Variants in ZNF385D observed in about 807,000 individuals in gnomAD.
The protein encoded by ZNF385D is zinc finger protein 659.
In ZNF385D, 15 loss-of-function variants were observed where a neutral mutation model predicts 35.8. The observed-to-expected ratio is 0.42, with a 90% CI of 0.28 to 0.64. The LOEUF (loss-of-function observed/expected upper bound fraction) is 0.64. ZNF385D is among the 30% of genes least tolerant of loss of function. The probability of loss-of-function intolerance (pLI) is 0.23; values close to 1 mark genes in which losing one functional copy is unlikely to be tolerated. For missense variants in ZNF385D, 474 were observed against 494.6 expected (o/e 0.96, Z 0.39); for synonymous variants, 212 against 186.8 (o/e 1.13, Z -1.10).
At chr3:21,897,660 C>T (rs1699203651) in intron 3 of ZNF385D, among the ~76,000 whole-genome samples, 1 of 151,950 alleles carries the variant, frequency 6.6e-6, no homozygotes, top group African/African-American at 2.4e-5. Context: ...AGCTATGAAC[C>T]ATCTGGTGGA....
chr3:21,437,948 G>T (rs1343740682), intron 4 of ZNF385D, among the ~76,000 whole-genome samples: 1 of 152,026 alleles, frequency 6.6e-6, no homozygotes, highest in Non-Finnish European at 1.5e-5. Flanking sequence ...CAAGGAATTC[G>T]CAGGATGGCC....
intron 3 of ZNF385D, among the ~76,000 whole-genome samples, chr3:22,074,579 T>C (rs1251381954): frequency 6.6e-6 from 1 of 151,992 alleles, no homozygotes; most frequent in East Asian, 1.9e-4. Flanking sequence ...AACCTCATAT[T>C]GATACTGCCT....
chr3:21,974,410 T>C (rs974282616), intron 3 of ZNF385D, among the ~76,000 whole-genome samples: 2 of 151,934 alleles, frequency 1.3e-5, no homozygotes, highest in African/African-American at 4.8e-5. Context: ...TCTCACCAAA[T>C]ACAAAAATCA....
At position 22,283,180 on chromosome 3, in the gene ZNF385D, A is replaced by G. The variant is rs565582949; in HGVS notation, c.106+89270T>C. On this transcript the variant is annotated intron_variant, in intron 2 of 5. Transcript: ENST00000494108. Reference sequence around the variant, plus strand: ...ACATAACACTTGAGCTCCCAAATCTACAACAATTACTACTAGACCTAAGAA... The same window carrying G: ...ACATAACACTTGAGCTCCCAAATCTGCAACAATTACTACTAGACCTAAGAA... Among the ~76,000 whole-genome samples, 5 of 152,236 alleles carry G rather than the reference A, an allele frequency of 3.3e-5. No homozygotes were observed. In the South Asian group the frequency reaches 8.3e-4, roughly 25 times the overall value.
At chr3:22,217,587 C>T (rs1459912272) in intron 2 of ZNF385D, among the ~76,000 whole-genome samples, 1 of 152,066 alleles carries the variant, frequency 6.6e-6, no homozygotes. Flanking sequence ...ATAATTGAAT[C>T]TGTAACAGAG....
chr3:21,731,687 A>T (rs2069002443), intron 1 of ZNF385D, among the ~76,000 whole-genome samples: 1 of 152,186 alleles, frequency 6.6e-6, no homozygotes, highest in South Asian at 2.1e-4. Flanking sequence ...ACCCCTGGCA[A>T]TCCCACTAAT....
At chr3:21,841,685 CAAGTAT>C (rs1287265547) in intron 3 of ZNF385D, among the ~76,000 whole-genome samples, 4 of 152,000 alleles carry the variant, frequency 2.6e-5, no homozygotes, top group Admixed American at 6.6e-5. Flanking sequence ...TTATTAAACA[CAAGTAT>C]AAGTATGCAT....
At chr3:22,077,328 C>G (rs1388083487) in intron 3 of ZNF385D, among the ~76,000 whole-genome samples, 1 of 151,728 alleles carries the variant, frequency 6.6e-6, no homozygotes, top group Admixed American at 6.6e-5. Context: ...TTACCACTGT[C>G]AAAAGAGCAT....
At chr3:22,036,618 C>T (rs1008679078) in intron 3 of ZNF385D, among the ~76,000 whole-genome samples, 1 of 150,890 alleles carries the variant, frequency 6.6e-6, no homozygotes, top group Admixed American at 6.6e-5. Flanking sequence ...AGTTTGGTTG[C>T]TTACAAATTG....
chr3:21,452,120 C>T (rs3911496), intron 4 of ZNF385D, among the ~76,000 whole-genome samples: 50,902 of 151,580 alleles, frequency 0.34, 8,992 homozygotes, highest in Middle Eastern at 0.5. Flanking sequence ...GTAGCAATAT[C>T]ATTAGGCAAT....
At chr3:22,188,551 G>A (rs1576467680) in intron 2 of ZNF385D, among the ~76,000 whole-genome samples, 1 of 151,970 alleles carries the variant, frequency 6.6e-6, no homozygotes. Context: ...CCAGGTTCAA[G>A]CCATTCTCCT....
At position 21,787,176 on chromosome 3, in the gene ZNF385D, G is replaced by A. The variant is rs186008022; in HGVS notation, c.326-122148C>T. On this transcript the variant is annotated intron_variant, in intron 3 of 5. Coordinates refer to the ZNF385D transcript ENST00000494108. ...GTGGAGGCTTCAAGTAACTATCTGGGGGGTTACTGATGAAAGATCAGCTCA... is the reference window on the plus strand; with the variant it reads ...GTGGAGGCTTCAAGTAACTATCTGGAGGGTTACTGATGAAAGATCAGCTCA... Among the ~76,000 whole-genome samples, 429 of 152,198 alleles carry A rather than the reference G, an allele frequency of 2.8e-3. 2 individuals carry two copies. Among genetic ancestry groups the A allele is most frequent in the Non-Finnish European group, 4.8e-3 (327 of 68,006 alleles).
rs1487015864 is a variant in ZNF385D, at chr3:22,039,931, T to C, written c.325+128886A>G. 2.0e-5 allele frequency among the ~76,000 whole-genome samples: 3 copies of C among 152,288 alleles called. No individual in the cohort carries two copies. The East Asian group carries it at 5.8e-4, about 29-fold the overall frequency. Reference sequence around the variant, plus strand: ...GGCTCCCTTGTCCTCTGACTTTGAATTGGATGTAGCCATTACGATACCTAG... The same window carrying C: ...GGCTCCCTTGTCCTCTGACTTTGAACTGGATGTAGCCATTACGATACCTAG... On this transcript the variant is annotated intron_variant, in intron 3 of 5. Transcript: ENST00000494108.
At chr3:21,694,042 CTTTTTT>C (rs35586361) in intron 1 of ZNF385D, among the ~76,000 whole-genome samples, 1 of 22,178 alleles carries the variant, frequency 4.5e-5, no homozygotes, top group African/African-American at 2.1e-4. Context: ...CTACGCCTGG[CTTTTTT>C]TTTTTTTTTT....
chr3:22,269,812 G>T (rs1701081615), intron 2 of ZNF385D, among the ~76,000 whole-genome samples: 1 of 151,712 alleles, frequency 6.6e-6, no homozygotes, highest in Non-Finnish European at 1.5e-5. Context: ...CTGCTTGTCT[G>T]AATCTCAATG....
intron 3 of ZNF385D, among the ~76,000 whole-genome samples, chr3:22,106,230 T>C (rs1174045472): frequency 6.6e-6 from 1 of 152,140 alleles, no homozygotes; most frequent in Non-Finnish European, 1.5e-5. Flanking sequence ...AAACTGGTCA[T>C]CGACATAATC....
chr3:22,244,035 C>T (rs979577903), intron 2 of ZNF385D, among the ~76,000 whole-genome samples: 1 of 150,796 alleles, frequency 6.6e-6, no homozygotes, highest in Non-Finnish European at 1.5e-5. Flanking sequence ...ATTGGCTTAG[C>T]ACTTCTCTCA....
intron 3 of ZNF385D, among the ~76,000 whole-genome samples, chr3:22,118,047 CAATT>C (rs1020327461): frequency 3.3e-5 from 5 of 151,884 alleles, no homozygotes; most frequent in African/African-American, 1.2e-4. Flanking sequence ...AACAGACGCA[CAATT>C]AAATAAGTAT....
intron 2 of ZNF385D, among the ~76,000 whole-genome samples, chr3:22,231,529 C>A (rs1698889476): frequency 6.6e-6 from 1 of 152,148 alleles, no homozygotes; most frequent in Non-Finnish European, 1.5e-5. Flanking sequence ...TTCAGTGTCT[C>A]TGCTGCTGAG....
Sources: allele counts gnomAD v4.1 joint callset (sites outside exome capture counted in the v4.1 genomes callset), GRCh38; gene constraint gnomAD v4.1.1; transcripts MANE v1.5; gene names NCBI Gene and HGNC (gene_info 2026-07-23, HGNC 2026-07-21).